Variants in PPA2 observed in about 807,000 individuals in gnomAD.
PPA2 encodes inorganic pyrophosphatase 2.
PPA2 carries 48 observed loss-of-function variants against 49.5 expected under a neutral mutation model. The ratio of observed to expected loss-of-function variants is 0.97; its 90% confidence interval spans 0.77 to 1.23. The LOEUF is 1.23. PPA2 is among the 50% of genes most tolerant of loss of function. The pLI is 0.00. For missense variants in PPA2, 429 were observed against 410.1 expected, an observed-to-expected ratio of 1.05 and a Z score of -0.40; for synonymous variants, 131 against 139.9, an observed-to-expected ratio of 0.94 and a Z score of 0.45.
chr4:105,433,691 C>T lies in PPA2; in HGVS notation c.528+4259G>A, dbSNP rs145306158. 4.6e-5 allele frequency among the ~76,000 whole-genome samples: 7 copies of T among 152,362 alleles called. No homozygotes were observed. In the East Asian group the frequency reaches 1.3e-3, roughly 29 times the overall value. On this transcript the variant is annotated intron_variant, in intron 6 of 11. Coordinates refer to ENST00000341695, the MANE Select transcript of PPA2 (RefSeq NM_176869.3). ...GTTGAGGTCTCAATTGTCTGAAATA[C>T]TGTCTGTTCCTTTCCCATTCCCTGC...
chr4:105,402,372 G>C (rs373858418), intron 7 of PPA2, among the ~76,000 whole-genome samples: 8 of 152,352 alleles, frequency 5.3e-5, no homozygotes, highest in African/African-American at 1.9e-4. Flanking sequence ...GAAGAGAATT[G>C]TAGATATGAG....
chr4:105,414,984 T>C (rs147510742), intron 7 of PPA2, among the ~76,000 whole-genome samples: 1,569 of 152,130 alleles, frequency 0.01, 15 homozygotes, highest in Non-Finnish European at 0.018. Flanking sequence ...AGAGAGGACA[T>C]CCAGAGCGGG....
chr4:105,473,995 C>A lies in PPA2; in HGVS notation c.56G>T (p.Arg19Leu), dbSNP rs1457726508. Residue 19 changes from arginine (R) to leucine (L), a missense_variant, in exon 1 of 12, where the codon CGG becomes CTG. Arg to Leu is a moderately radical substitution (Grantham distance 102). Transcript: ENST00000341695. ...RTGAPAAACL[R>L]LGTSAGTGSR... ...CCCGGTCCCTGCACTGGTCCCCAACCGCAGGCACGCAGCGGCTGGGGCACC... is the reference window on the plus strand; with the variant it reads ...CCCGGTCCCTGCACTGGTCCCCAACAGCAGGCACGCAGCGGCTGGGGCACC... 3 of 1,607,184 alleles carry A rather than the reference C, an allele frequency of 1.9e-6. No individual in the cohort carries two copies. Among genetic ancestry groups the A allele is most frequent in the Non-Finnish European group, 2.5e-6 (3 of 1,177,208 alleles).
intron 6 of PPA2, among the ~76,000 whole-genome samples, chr4:105,435,476 A>G (rs1271265905): frequency 6.6e-6 from 1 of 152,116 alleles, no homozygotes; most frequent in East Asian, 1.9e-4. Flanking sequence ...CATGCACGCA[A>G]CATCAGAGCA....
intron 6 of PPA2, among the ~76,000 whole-genome samples, chr4:105,425,656 C>T (rs1011047698): frequency 1.3e-5 from 2 of 148,934 alleles, no homozygotes; most frequent in South Asian, 2.2e-4. Flanking sequence ...GAATAAATAA[C>T]GTCCAAAAAA....
chr4:105,456,717 G>A lies in PPA2; in HGVS notation c.186C>T (p.Pro62=), dbSNP rs1166262416. ...FKNVTGHYIS[P]FHDIPLKVNS... is the part of the protein sequence containing the mutation. ...TCACCTTCAGAGGAATATCATGAAA[G>A]GGGGAAATGTAGTGACCAGTTACAT... is the stretch of plus-strand genomic sequence containing the variant. Residue 62 remains proline, a synonymous_variant, in exon 2 of 12, where the codon CCC becomes CCT. Transcript: ENST00000341695. 2 of 1,607,134 alleles carry A rather than the reference G, an allele frequency of 1.2e-6. No individual in the cohort carries two copies. The highest frequency in any genetic ancestry group is 1.3e-5 in the African/African-American group (1 of 74,580).
At chr4:105,400,536 G>A (rs1734322838) in intron 7 of PPA2, among the ~76,000 whole-genome samples, 1 of 152,190 alleles carries the variant, frequency 6.6e-6, no homozygotes, top group Admixed American at 6.5e-5. Context: ...AGGAGGCTGA[G>A]GCAGGAGAAA....
chr4:105,444,992 A>G (rs957458815), intron 5 of PPA2, among the ~76,000 whole-genome samples: 5 of 152,146 alleles, frequency 3.3e-5, no homozygotes, highest in Admixed American at 2.0e-4. Flanking sequence ...CCCAAGGCCC[A>G]AGGTCACATT....
At chr4:105,385,907 TCTCA>T (rs1267331698) in intron 10 of PPA2, among the ~76,000 whole-genome samples, 1 of 146,090 alleles carries the variant, frequency 6.8e-6, no homozygotes, top group Non-Finnish European at 1.5e-5. Flanking sequence ...TGAGACAGAG[TCTCA>T]CTCTGTCGCC....
intron 7 of PPA2, among the ~76,000 whole-genome samples, chr4:105,411,309 A>G (rs1578832801): frequency 6.6e-6 from 1 of 152,234 alleles, no homozygotes; most frequent in Admixed American, 6.5e-5. Flanking sequence ...CAAAAGAGAC[A>G]AAGAAGGCCA....
At chr4:105,403,955 T>C (rs894221544) in intron 7 of PPA2, among the ~76,000 whole-genome samples, 2 of 151,892 alleles carry the variant, frequency 1.3e-5, no homozygotes, top group African/African-American at 4.8e-5. Context: ...GGGGTGTTTC[T>C]AATCACATGA....
chr4:105,387,689 G>GT (rs539098729), intron 9 of PPA2, among the ~76,000 whole-genome samples: 204 of 151,838 alleles, frequency 1.3e-3, no homozygotes, highest in African/African-American at 4.7e-3. Context: ...TTAAGACTAA[G>GT]TTTTTTTTGC....
chr4:105,395,476 A>G (rs1176855768), intron 9 of PPA2, among the ~76,000 whole-genome samples: 1 of 152,168 alleles, frequency 6.6e-6, no homozygotes, highest in African/African-American at 2.4e-5. Flanking sequence ...CTATAATTTC[A>G]AAATTTAAGT....
At chr4:105,468,995 C>T (rs911188794) in intron 1 of PPA2, among the ~76,000 whole-genome samples, 1 of 152,186 alleles carries the variant, frequency 6.6e-6, no homozygotes, top group African/African-American at 2.4e-5. Flanking sequence ...GCTGGGACTT[C>T]TTCCACACTG....
intron 10 of PPA2, among the ~76,000 whole-genome samples, chr4:105,376,051 G>A (rs1390381540): frequency 6.6e-5 from 10 of 152,180 alleles, no homozygotes; most frequent in Admixed American, 6.6e-4. Context: ...TATTCCAAAT[G>A]ATAACAATGC....
At chr4:105,378,173 A>T (rs965051549) in intron 10 of PPA2, among the ~76,000 whole-genome samples, 11 of 152,182 alleles carry the variant, frequency 7.2e-5, no homozygotes, top group Admixed American at 7.2e-4. Context: ...GCAGTAAATG[A>T]GAATTGTAGT....
chr4:105,465,845 T>G (rs1160713763), intron 1 of PPA2, among the ~76,000 whole-genome samples: 1 of 152,168 alleles, frequency 6.6e-6, no homozygotes, highest in East Asian at 1.9e-4. Context: ...GATTTTTTTC[T>G]ATTATCCCTT....
At chr4:105,413,288 G>A (rs548911140) in intron 7 of PPA2, among the ~76,000 whole-genome samples, 5 of 151,952 alleles carry the variant, frequency 3.3e-5, no homozygotes, top group South Asian at 2.1e-4. Flanking sequence ...ATGGACACAC[G>A]GTGGGGAGCA....
At chr4:105,444,527 A>C (rs1385826408) in intron 5 of PPA2, among the ~76,000 whole-genome samples, 2 of 152,144 alleles carry the variant, frequency 1.3e-5, no homozygotes, top group African/African-American at 4.8e-5. Flanking sequence ...TTATTAGTAG[A>C]AGAACTACCG....
Sources: gnomAD v4.1 joint callset for allele counts (sites outside exome capture counted in the v4.1 genomes callset) on GRCh38, gnomAD v4.1.1 for gene constraint, MANE v1.5 for transcripts, NCBI Gene and HGNC (gene_info 2026-07-23, HGNC 2026-07-21) for gene names.